INPP4B: variants seen among roughly 807,000 people sequenced by gnomAD.
INPP4B encodes inositol polyphosphate 4-phosphatase type II.
Under a neutral mutation model 122.5 loss-of-function variants are expected in INPP4B, and 55 were observed. The ratio of observed to expected loss-of-function variants is 0.45; its 90% CI spans 0.36 to 0.56. The LOEUF (loss-of-function observed/expected upper bound fraction) is 0.56. INPP4B is among the 20% of genes least tolerant of loss of function. The pLI is 0.00. For synonymous variants in INPP4B, 403 were observed against 388.7 expected (o/e 1.04, Z -0.43); for missense variants, 1,000 against 1,097.7 (o/e 0.91, Z 1.26).
At chr4:142,640,549 C>A (rs944602060) in intron 2 of INPP4B, among the ~76,000 whole-genome samples, 2 of 151,450 alleles carry the variant, frequency 1.3e-5, no homozygotes, top group African/African-American at 4.8e-5. Flanking sequence ...GATATAACAT[C>A]AACAATTTAG....
At chr4:142,661,172 C>T (rs1755109987) in intron 2 of INPP4B, among the ~76,000 whole-genome samples, 1 of 152,136 alleles carries the variant, frequency 6.6e-6, no homozygotes, top group Non-Finnish European at 1.5e-5. Context: ...CCAATAAAAC[C>T]CTATTTTGCT....
At chr4:142,550,844 C>T (rs1212357007) in intron 2 of INPP4B, among the ~76,000 whole-genome samples, 3 of 151,972 alleles carry the variant, frequency 2.0e-5, no homozygotes, top group Non-Finnish European at 4.4e-5. Flanking sequence ...CTGGCTGTGT[C>T]GCTATGGGTA....
intron 7 of INPP4B, among the ~76,000 whole-genome samples, chr4:142,392,280 G>C (rs1797946286): frequency 6.6e-6 from 1 of 152,108 alleles, no homozygotes; most frequent in South Asian, 2.1e-4. Context: ...CAAGATCATG[G>C]ATAAAGACTT....
At chr4:142,232,318 A>G (rs1561554429) in intron 12 of INPP4B, among the ~76,000 whole-genome samples, 3 of 152,118 alleles carry the variant, frequency 2.0e-5, no homozygotes, top group Non-Finnish European at 4.4e-5. Context: ...AAGGTCTACC[A>G]GCTCCATTTT....
rs192982527 is a variant in INPP4B at position 142,093,521 on chromosome 4, G to C, written c.2375-7265C>G. On this transcript the variant is annotated intron_variant, in intron 23 of 25. Transcript: ENST00000262992. ...TGAAAAAGTTAACATGATGAACACTGCTTTCACTGCCTACTCTGGTGAGTA... is the reference window on the plus strand; with the variant it reads ...TGAAAAAGTTAACATGATGAACACTCCTTTCACTGCCTACTCTGGTGAGTA... Among the ~76,000 whole-genome samples the C allele has an allele frequency of 2.6e-4, 39 of 152,268 alleles. 1 individual carries two copies. Among genetic ancestry groups the C allele is most frequent in the African/African-American group, 7.7e-4 (32 of 41,556 alleles).
intron 1 of INPP4B, among the ~76,000 whole-genome samples, chr4:142,744,797 A>C (rs1490335245): frequency 6.6e-6 from 1 of 151,900 alleles, no homozygotes; most frequent in Non-Finnish European, 1.5e-5. Context: ...AACTATATGA[A>C]AAGTCATGTC....
chr4:142,212,289 A>G (rs1159801546), intron 12 of INPP4B, among the ~76,000 whole-genome samples: 1 of 152,142 alleles, frequency 6.6e-6, no homozygotes, highest in Non-Finnish European at 1.5e-5. Context: ...ACAATATGCA[A>G]TCCTCCAACT....
intron 2 of INPP4B, among the ~76,000 whole-genome samples, chr4:142,656,324 A>G (rs1359568944): frequency 6.6e-6 from 1 of 152,162 alleles, no homozygotes; most frequent in Non-Finnish European, 1.5e-5. Context: ...TAGCAGAACT[A>G]AGGAAAGTCC....
chr4:142,683,662 G>C (rs566591617), intron 2 of INPP4B, among the ~76,000 whole-genome samples: 31 of 151,650 alleles, frequency 2.0e-4, no homozygotes, highest in Non-Finnish European at 4.3e-4. Flanking sequence ...ACCAACTCTT[G>C]GGAATGAAGC....
intron 2 of INPP4B, among the ~76,000 whole-genome samples, chr4:142,668,349 C>A (rs553439908): frequency 1.3e-5 from 2 of 152,046 alleles, no homozygotes; most frequent in Non-Finnish European, 2.9e-5. Context: ...AAGGAATGAA[C>A]CTCAACAAAA....
intron 25 of INPP4B, among the ~76,000 whole-genome samples, chr4:142,079,501 A>G (rs1342513303): frequency 6.6e-6 from 1 of 152,100 alleles, no homozygotes; most frequent in Non-Finnish European, 1.5e-5. Flanking sequence ...CCAGTAATCA[A>G]TCAGCATTAA....
chr4:142,034,005 C>T (rs1321218976), intron 25 of INPP4B, among the ~76,000 whole-genome samples: 1 of 152,046 alleles, frequency 6.6e-6, no homozygotes, highest in Non-Finnish European at 1.5e-5. Flanking sequence ...CTCTACTTAT[C>T]AGGCCAATCA....
intron 25 of INPP4B, among the ~76,000 whole-genome samples, chr4:142,034,939 CCT>C (rs1457953853): frequency 2.0e-5 from 3 of 151,924 alleles, no homozygotes; most frequent in Admixed American, 6.6e-5. Flanking sequence ...AATTCTATCA[CCT>C]GGAACACACA....
chr4:142,657,290 A>G (rs1030223830), intron 2 of INPP4B, among the ~76,000 whole-genome samples: 4 of 152,254 alleles, frequency 2.6e-5, no homozygotes, highest in African/African-American at 9.6e-5. Context: ...GACCACTGGT[A>G]AAATTCAGGT....
intron 11 of INPP4B, among the ~76,000 whole-genome samples, chr4:142,239,287 C>G (rs1858095942): frequency 6.6e-6 from 1 of 152,096 alleles, no homozygotes; most frequent in East Asian, 1.9e-4. Flanking sequence ...AGATTCAAAA[C>G]TTCTAGTACA....
At chr4:142,339,677 T>C (rs748284951) in intron 7 of INPP4B, among the ~76,000 whole-genome samples, 1 of 152,186 alleles carries the variant, frequency 6.6e-6, no homozygotes, top group Non-Finnish European at 1.5e-5. Flanking sequence ...AAAGGAGACA[T>C]TATTTTGTAC....
intron 7 of INPP4B, among the ~76,000 whole-genome samples, chr4:142,373,172 C>T (rs1790531545): frequency 6.6e-6 from 1 of 151,962 alleles, no homozygotes; most frequent in South Asian, 2.1e-4. Flanking sequence ...GAGCCAAGTC[C>T]TGTATGTGTC....
chr4:142,833,137 T>C (rs1393609947), intron 1 of INPP4B, among the ~76,000 whole-genome samples: 1 of 151,992 alleles, frequency 6.6e-6, no homozygotes, highest in Non-Finnish European at 1.5e-5. Flanking sequence ...GTCAGGTATA[T>C]GACAATAGGG....
chr4:142,643,731 G>A (rs146074555), intron 2 of INPP4B, among the ~76,000 whole-genome samples: 183 of 152,210 alleles, frequency 1.2e-3, no homozygotes, highest in African/African-American at 4.2e-3. Flanking sequence ...ATACTTAATA[G>A]CTAATTGGGC....
Sources: gnomAD v4.1 joint callset for allele counts (sites outside exome capture counted in the v4.1 genomes callset) on GRCh38, gnomAD v4.1.1 for gene constraint, MANE v1.5 for transcripts, NCBI Gene and HGNC (gene_info 2026-07-23, HGNC 2026-07-21) for gene names.